Variants in GRIN2A observed in about 807,000 individuals in gnomAD.
GRIN2A encodes glutamate receptor ionotropic, NMDA 2A.
In GRIN2A, 22 loss-of-function variants were observed where a neutral mutation model predicts 113.4. The ratio of observed to expected loss-of-function variants is 0.19; its 90% CI spans 0.14 to 0.28. The LOEUF (loss-of-function observed/expected upper bound fraction) is 0.28, where lower values mean the gene tolerates loss of function less well. Ranked by LOEUF, GRIN2A falls within the 10% of genes least tolerant of loss-of-function variation. The probability of loss-of-function intolerance (pLI) is 1.00; values close to 1 mark genes in which losing one functional copy is unlikely to be tolerated. For missense variants in GRIN2A, 1,502 were observed against 1,887.0 expected (o/e 0.80, Z 3.78); for synonymous variants, 827 against 738.4 (o/e 1.12, Z -1.94).
rs548752182 is a variant in GRIN2A, at chr16:9,994,062, A to G, written c.415-55511T>C. Among the ~76,000 whole-genome samples, 3 of 152,224 alleles carry G rather than the reference A, an allele frequency of 2.0e-5. No individual in the cohort carries two copies. In the East Asian group the frequency reaches 5.8e-4, roughly 29 times the overall value. The stretch of plus-strand genomic sequence containing the variant: ...GGGAAGAAGAAATCCATCACATGGA[A>G]TATCACCCTCCATGTTATCATCTTA... On this transcript the variant is annotated intron_variant, in intron 2 of 12. Transcript: ENST00000330684.
At chr16:9,892,502 A>G (rs889110937) in intron 3 of GRIN2A, among the ~76,000 whole-genome samples, 3 of 152,222 alleles carry the variant, frequency 2.0e-5, no homozygotes, top group African/African-American at 7.2e-5. Flanking sequence ...GGAGGTATTT[A>G]GTGAAAGATT....
intron 3 of GRIN2A, among the ~76,000 whole-genome samples, chr16:9,934,422 T>A (rs1404229395): frequency 6.6e-6 from 1 of 152,158 alleles, no homozygotes; most frequent in Admixed American, 6.5e-5. Flanking sequence ...GGCTCATGCC[T>A]GTAATCCCAG....
chr16:10,112,335 G>T, intron 2 of GRIN2A: 1 of 650,772 alleles, frequency 1.5e-6, no homozygotes, highest in South Asian at 1.7e-5. Context: ...TGGTGTGGAT[G>T]GACTGCATGT....
chr16:10,032,219 C>G (rs1314398790), intron 2 of GRIN2A, among the ~76,000 whole-genome samples: 1 of 152,228 alleles, frequency 6.6e-6, no homozygotes, highest in Non-Finnish European at 1.5e-5. Flanking sequence ...GAGCTGTGAC[C>G]TTCAAACAAG....
chr16:9,831,217 C>T (rs2042486577), intron 8 of GRIN2A, among the ~76,000 whole-genome samples: 1 of 152,174 alleles, frequency 6.6e-6, no homozygotes, highest in African/African-American at 2.4e-5. Flanking sequence ...TTACAATAGT[C>T]TTTCCAGCAT....
intron 8 of GRIN2A, among the ~76,000 whole-genome samples, chr16:9,832,607 A>C (rs180679035): frequency 2.0e-5 from 3 of 152,194 alleles, no homozygotes; most frequent in Non-Finnish European, 4.4e-5. Context: ...GCCTCCTGGC[A>C]CGTAGTACCC....
In GRIN2A at chr16:9,763,327, C is replaced by T. The variant is rs1900677880; in HGVS notation, c.4217G>A (p.Arg1406Lys). ...CCTGGAACAGTACGATGCCGTTGAC[C>T]TCAAGGACGACCGAAGATAGCTGTC... ...VNDSYLRSSL[R>K]STASYCSRDS... Residue 1406 changes from arginine (R) to lysine (K), a missense_variant, in exon 13 of 13, where the codon AGG (arginine) becomes AAG (lysine). By Grantham distance (26) the Arg-to-Lys change is conservative. This residue lies in a region of GRIN2A where 832 missense variants were observed against 789.7 expected (regional missense o/e 1.05). Transcript: ENST00000330684. 2 of 1,614,044 alleles carry T rather than the reference C, an allele frequency of 1.2e-6. No individual in the cohort carries two copies. Among genetic ancestry groups the T allele is most frequent in the Non-Finnish European group, 1.7e-6 (2 of 1,180,038 alleles).
chr16:9,861,675 G>C (rs1267578755), intron 4 of GRIN2A, among the ~76,000 whole-genome samples: 2 of 152,228 alleles, frequency 1.3e-5, no homozygotes, highest in Non-Finnish European at 2.9e-5. Context: ...GATCTAAAGA[G>C]TATCCCAGAA....
chr16:10,178,725 G>A (rs1205856929), intron 2 of GRIN2A, among the ~76,000 whole-genome samples: 2 of 152,182 alleles, frequency 1.3e-5, no homozygotes, highest in African/African-American at 2.4e-5. Flanking sequence ...GAATTAATAC[G>A]GTTACCAAAG....
In GRIN2A at chr16:9,841,115, A is replaced by G. The variant is rs1400943927; in HGVS notation, c.1329-11T>C. ...TCATTGGTTGAATTGCTGTAAAGAA[A>G]AACCCCAAGACCACAGAATGTTAGC... On this transcript the variant is annotated splice_polypyrimidine_tract_variant and intron_variant, in intron 5 of 12. Coordinates refer to ENST00000330684, the MANE Select transcript of GRIN2A (RefSeq NM_001134407.3). The G allele has an allele frequency of 3.7e-6, 6 of 1,609,148 alleles. No individual in the cohort carries two copies. The South Asian group carries it at 5.5e-5, about 15-fold the overall frequency.
At chr16:10,081,670 A>C (rs1284110918) in intron 2 of GRIN2A, among the ~76,000 whole-genome samples, 1 of 152,214 alleles carries the variant, frequency 6.6e-6, no homozygotes, top group African/African-American at 2.4e-5. Context: ...TCATGAAGAT[A>C]AAGTTTCTAG....
chr16:9,864,226 A>G (rs941002209), intron 4 of GRIN2A, among the ~76,000 whole-genome samples: 2 of 152,154 alleles, frequency 1.3e-5, no homozygotes, highest in East Asian at 3.9e-4. Flanking sequence ...TTTGGGGAGT[A>G]TTTACCTGAA....
chr16:9,783,954 C>T (rs903386929), intron 11 of GRIN2A, among the ~76,000 whole-genome samples: 1 of 151,998 alleles, frequency 6.6e-6, no homozygotes, highest in African/African-American at 2.4e-5. Context: ...GAGCAACACA[C>T]ACTGGGGCCT....
At chr16:10,127,877 G>A (rs548094261) in intron 2 of GRIN2A, among the ~76,000 whole-genome samples, 2 of 144,304 alleles carry the variant, frequency 1.4e-5, no homozygotes, top group African/African-American at 2.6e-5. Flanking sequence ...CCCTGGGAAT[G>A]TCATGCCTGG....
At chr16:9,807,664 C>T (rs1301046989) in intron 10 of GRIN2A, among the ~76,000 whole-genome samples, 1 of 152,158 alleles carries the variant, frequency 6.6e-6, no homozygotes, top group East Asian at 1.9e-4. Context: ...GATGAGGACA[C>T]TGAGGCCCAG....
At chr16:9,923,864 C>T (rs1306088906) in intron 3 of GRIN2A, among the ~76,000 whole-genome samples, 6 of 152,050 alleles carry the variant, frequency 3.9e-5, no homozygotes, top group Admixed American at 2.6e-4. Flanking sequence ...TGGTGGCTCA[C>T]GTCTGTAATC....
intron 2 of GRIN2A, among the ~76,000 whole-genome samples, chr16:10,159,333 C>T (rs539442408): frequency 1.7e-4 from 26 of 152,292 alleles, no homozygotes; most frequent in Middle Eastern, 3.4e-3. Context: ...CAGTATGAGG[C>T]ACCCATGGCC....
intron 11 of GRIN2A, among the ~76,000 whole-genome samples, chr16:9,788,737 C>T (rs1336295790): frequency 6.8e-5 from 8 of 117,626 alleles, no homozygotes; most frequent in Admixed American, 1.6e-4. Context: ...AACTTTAAGT[C>T]TTCTTTTTTT....
At chr16:10,051,744 G>A (rs1435345269) in intron 2 of GRIN2A, among the ~76,000 whole-genome samples, 1 of 152,180 alleles carries the variant, frequency 6.6e-6, no homozygotes, top group East Asian at 1.9e-4. Context: ...AGCATGCCAG[G>A]GTGAGTGCAA....
Sources: gnomAD v4.1 joint callset for allele counts (sites outside exome capture counted in the v4.1 genomes callset) on GRCh38, gnomAD v4.1.1 for gene constraint, gnomAD v4.1.1 regional missense constraint, MANE v1.5 for transcripts, NCBI Gene and HGNC (gene_info 2026-07-23, HGNC 2026-07-21) for gene names.